The following KDSR variants were observed in gnomAD, a reference collection of about 807,000 sequenced individuals.
KDSR encodes the protein 3-ketodihydrosphingosine reductase, also known as 3-dehydrosphinganine reductase.
Under a neutral mutation model 41.3 loss-of-function variants are expected in KDSR, and 23 were observed. The ratio of observed to expected loss-of-function variants is 0.56; its 90% CI spans 0.40 to 0.79. The LOEUF (loss-of-function observed/expected upper bound fraction) is 0.79. Among genes scored for constraint, KDSR ranks in the 30% least tolerant of loss-of-function variants. KDSR has a pLI of 0.00. For missense variants in KDSR, 351 were observed against 416.8 expected (o/e 0.84, Z 1.37); for synonymous variants, 138 against 151.7 (o/e 0.91, Z 0.66).
chr18:63,351,622 A>T, intron 5 of KDSR, among the ~76,000 whole-genome samples: 1 of 152,204 alleles, frequency 6.6e-6, no homozygotes, highest in Non-Finnish European at 1.5e-5. Flanking sequence ...ATGACCGCAT[A>T]GGGCTGTTGC....
chr18:63,351,601 T>A (rs529675326), intron 5 of KDSR, among the ~76,000 whole-genome samples: 2 of 152,096 alleles, frequency 1.3e-5, no homozygotes, highest in Non-Finnish European at 2.9e-5. Flanking sequence ...GTAAACAAGG[T>A]CAACAAGGGT....
chr18:63,339,875 G>A (rs1411716230), intron 7 of KDSR, among the ~76,000 whole-genome samples: 2 of 152,126 alleles, frequency 1.3e-5, no homozygotes, highest in Admixed American at 6.5e-5. Flanking sequence ...ACTTTACCAC[G>A]TAAGCTTGAA....
chr18:63,359,844 G>A (rs749975641), intron 2 of KDSR, 52 bp from the exon 3 acceptor site: 81 of 1,219,804 alleles, frequency 6.6e-5, no homozygotes, highest in Non-Finnish European at 8.5e-5. Flanking sequence ...ATGCATGTCC[G>A]TTTATTGCAA....
At chr18:63,359,059 A>G (rs1278891772) in intron 3 of KDSR, among the ~76,000 whole-genome samples, 1 of 149,938 alleles carries the variant, frequency 6.7e-6, no homozygotes, top group Non-Finnish European at 1.5e-5. Flanking sequence ...CGTGTCTATA[A>G]TCTCAGCTAC....
At chr18:63,350,531 T>C (rs894566015) in intron 6 of KDSR, among the ~76,000 whole-genome samples, 34 of 152,238 alleles carry the variant, frequency 2.2e-4, no homozygotes, top group African/African-American at 7.2e-4. Context: ...TATTCAGTCA[T>C]AAGGACAAAC....
chr18:63,343,309 C>T (rs556927908), intron 7 of KDSR, among the ~76,000 whole-genome samples: 1 of 152,162 alleles, frequency 6.6e-6, no homozygotes, highest in Admixed American at 6.5e-5. Context: ...ATCCTCCTGC[C>T]ATGGCCTCCC....
At chr18:63,346,553 C>T (rs183822729) in intron 6 of KDSR, 52 of 152,332 alleles carry the variant, frequency 3.4e-4, no homozygotes, top group African/African-American at 1.1e-3. Flanking sequence ...GCTTCTCAAA[C>T]TCAAGGTTAC....
At chr18:63,357,586 A>ATTT (rs1295303190) in intron 3 of KDSR, among the ~76,000 whole-genome samples, 4 of 64,668 alleles carry the variant, frequency 6.2e-5, no homozygotes, top group South Asian at 7.6e-4. Flanking sequence ...ATATATATAT[A>ATTT]TATATATATT....
intron 7 of KDSR, among the ~76,000 whole-genome samples, chr18:63,342,493 A>C (rs1024625178): frequency 6.6e-6 from 1 of 152,368 alleles, no homozygotes; most frequent in Non-Finnish European, 1.5e-5. Flanking sequence ...CAATGTGCTC[A>C]CATGGATCAA....
At chr18:63,364,154 A>G (rs1367777314) in intron 1 of KDSR, among the ~76,000 whole-genome samples, 1 of 152,120 alleles carries the variant, frequency 6.6e-6, no homozygotes, top group Admixed American at 6.5e-5. Context: ...TCGCCCATCA[A>G]ATCTCAGCTC....
rs371294721 is a variant in KDSR at position 63,335,222 on chromosome 18, C to T, written c.879+35G>A. ...GAAAGGCAGTTTTTCTCTTGTCCAT[C>T]GGCCTGTCTGATTGCTAGCCTAGGC... On this transcript the variant is annotated intron_variant, in intron 9 of 9. Transcript: ENST00000645214. 5.0e-5 allele frequency: 70 copies of T among 1,400,832 alleles called. No homozygotes were observed. The Middle Eastern group carries it at 7.1e-4, about 14-fold the overall frequency. The allele number at this position is 1,400,832 out of a possible 1,614,324, so 86.8% of individuals were successfully genotyped here.
intron 8 of KDSR, among the ~76,000 whole-genome samples, chr18:63,337,093 T>TA (rs1568275931): frequency 7.2e-4 from 20 of 27,736 alleles, no homozygotes; most frequent in African/African-American, 1.1e-3. Context: ...TATATGTGAC[T>TA]TTATATATAT....
At chr18:63,344,341 A>G in intron 7 of KDSR, 69 bp downstream of exon 7, 2 of 1,076,646 alleles carry the variant, frequency 1.9e-6, no homozygotes, top group Non-Finnish European at 2.9e-6. Context: ...GTGTGAGCTG[A>G]AGAGTAGAAA....
chr18:63,365,764 G>C (rs1391624992), intron 1 of KDSR, among the ~76,000 whole-genome samples: 4 of 152,218 alleles, frequency 2.6e-5, no homozygotes, highest in Non-Finnish European at 4.4e-5. Context: ...TTCTCTTGCG[G>C]ATGTAAAACT....
At chr18:63,334,494 G>T (rs1398764071) in intron 9 of KDSR, among the ~76,000 whole-genome samples, 1 of 152,080 alleles carries the variant, frequency 6.6e-6, no homozygotes, top group Non-Finnish European at 1.5e-5. Flanking sequence ...GGGATTACAG[G>T]CGTCCGCCAC....
intron 2 of KDSR, among the ~76,000 whole-genome samples, chr18:63,360,998 A>AATATATATATATAT (rs1331671716): frequency 2.7e-4 from 8 of 29,718 alleles, no homozygotes; most frequent in East Asian, 6.4e-4. Context: ...CTACTAAAAA[A>AATATATATATATAT]AAAATATATA....
rs187797342 is a variant in KDSR at position 63,364,227 on chromosome 18, A to G, written c.109-1359T>C. 3.3e-3 allele frequency among the ~76,000 whole-genome samples: 499 copies of G among 152,194 alleles called. 2 individuals are homozygous for G. Among genetic ancestry groups the G allele is most frequent in the African/African-American group, 0.011 (475 of 41,508 alleles). ...CTGCCCCCACACTGACACACTTTTC[A>G]GCACTGTATTTCTTCTTTATGACAT... On this transcript the variant is annotated intron_variant, in intron 1 of 9. Coordinates refer to ENST00000645214, the MANE Select transcript of KDSR (RefSeq NM_002035.4).
At chr18:63,341,989 C>T (rs1484076830) in intron 7 of KDSR, among the ~76,000 whole-genome samples, 1 of 151,726 alleles carries the variant, frequency 6.6e-6, no homozygotes, top group African/African-American at 2.4e-5. Context: ...CATGGTGAAA[C>T]CCCGTCTCTA....
chr18:63,366,762 G>C (rs980329133), intron 1 of KDSR: 2 of 374,478 alleles, frequency 5.3e-6, no homozygotes, highest in African/African-American at 4.2e-5. Context: ...CCCTGCGGCC[G>C]GCGGGGTCCC....
Sources: gnomAD v4.1 joint callset for allele counts (sites outside exome capture counted in the v4.1 genomes callset) on GRCh38, gnomAD v4.1.1 for gene constraint, MANE v1.5 for transcripts, NCBI Gene and HGNC (gene_info 2026-07-23, HGNC 2026-07-21) for gene names.